Variants in BCOR observed in about 807,000 individuals in gnomAD.
The protein encoded by BCOR is BCL6 corepressor.
BCOR carries 10 observed loss-of-function variants against 86.7 expected under a neutral mutation model. The ratio of observed to expected loss-of-function variants is 0.12; its 90% CI spans 0.07 to 0.20. The LOEUF (loss-of-function observed/expected upper bound fraction) is 0.20, where lower values mean the gene tolerates loss of function less well. BCOR is among the 10% of genes least tolerant of loss of function. BCOR has a pLI of 1.00. For synonymous variants in BCOR, 611 were observed against 609.0 expected, an observed-to-expected ratio of 1.00 and a Z score of -0.05; for missense variants, 1,259 against 1,452.1, an observed-to-expected ratio of 0.87 and a Z score of 2.16.
At chrX:40,071,925 T>C (rs1935494851) in intron 4 of BCOR, 5 of 398,724 alleles carry the variant, frequency 1.3e-5, no homozygotes, top group Middle Eastern at 6.9e-4. Context: ...TCCTTTCTTT[T>C]TGGTGAAAAA....
chrX:40,119,771 C>A (rs1461753591), intron 1 of BCOR, among the ~76,000 whole-genome samples: 2 of 111,172 alleles, frequency 1.8e-5, no homozygotes, highest in Non-Finnish European at 3.8e-5. Flanking sequence ...ATTCATCAAG[C>A]TGTACTCTCA....
In BCOR at chrX:40,077,972, G is replaced by A. The variant is rs1052217947; in HGVS notation, c.-40-3C>T. 3 of 1,111,459 alleles carry A rather than the reference G, an allele frequency of 2.7e-6. No individual in the cohort carries two copies. The highest frequency in any genetic ancestry group is 4.4e-5 in the Admixed American group (2 of 45,844). The allele number at this position is 1,111,459 out of a possible 1,213,427, so 91.6% of individuals were successfully genotyped here. On this transcript the variant is annotated splice_polypyrimidine_tract_variant and splice_region_variant and intron_variant, in intron 1 of 14. Transcript: ENST00000378444. ...CAGCTTTGCTTCAAGCGTCTAGTCT[G>A]TTAAAAGGAAAGAAAAAAAATCCCA...
chrX:40,087,643 C>CA (rs1313492401), intron 1 of BCOR, among the ~76,000 whole-genome samples: 1 of 111,269 alleles, frequency 9.0e-6, no homozygotes, highest in East Asian at 2.8e-4. Flanking sequence ...TCCTTGTGGC[C>CA]AGTAGAAATA....
At chrX:40,065,121 A>G (rs1378543183) in intron 6 of BCOR, among the ~76,000 whole-genome samples, 1 of 111,777 alleles carries the variant, frequency 8.9e-6, no homozygotes, top group Non-Finnish European at 1.9e-5. Context: ...AATGGACTGG[A>G]GACAAGAGTG....
chrX:40,140,394 G>A (rs1937895962), intron 1 of BCOR, among the ~76,000 whole-genome samples: 1 of 110,862 alleles, frequency 9.0e-6, no homozygotes, highest in African/African-American at 3.3e-5. Flanking sequence ...AGCCTGGGAG[G>A]TCGAGGATGC....
intron 1 of BCOR, among the ~76,000 whole-genome samples, chrX:40,108,656 G>A (rs1340760731): frequency 8.8e-6 from 1 of 113,467 alleles, no homozygotes; most frequent in Admixed American, 9.2e-5. Flanking sequence ...CCCTGGGAGA[G>A]CTTGAACATT....
intron 1 of BCOR, among the ~76,000 whole-genome samples, chrX:40,162,492 T>C (rs1057374540): frequency 1.8e-5 from 2 of 110,866 alleles, no homozygotes; most frequent in South Asian, 3.8e-4. Flanking sequence ...TGGGAAGCCG[T>C]GGTGAGGTCA....
Position 40,074,518 on chromosome X carries a change from G to T in BCOR, c.828C>A (p.Ile276=). 8.3e-7 allele frequency: 1 copy of T among 1,206,844 alleles called. No individual in the cohort carries two copies. The highest frequency in any genetic ancestry group is 1.1e-6 in the Non-Finnish European group (1 of 892,712). ...RLSTPSASPA[I]PPLVHCADKS... ...TGTCTGCGCAATGGACGAGAGGCGG[G>T]ATGGCTGGGGAGGCCGAAGGTGTCG... Residue 276 remains isoleucine (I), a synonymous_variant, in exon 4 of 15, where the codon ATC becomes ATA. Coordinates refer to ENST00000378444, the MANE Select transcript of BCOR (RefSeq NM_001123385.2).
intron 1 of BCOR, among the ~76,000 whole-genome samples, chrX:40,081,377 C>T (rs1384065011): frequency 2.7e-5 from 3 of 112,184 alleles, no homozygotes; most frequent in African/African-American, 6.5e-5. Flanking sequence ...CAAAAAGAGA[C>T]TGGGAGGCAA....
chrX:40,068,385 C>G (rs888856685), intron 6 of BCOR, among the ~76,000 whole-genome samples: 1 of 112,288 alleles, frequency 8.9e-6, no homozygotes, highest in Non-Finnish European at 1.9e-5. Context: ...AGTCATCTGT[C>G]TGCCCAAACT....
At position 40,051,751 on chromosome X, in the gene BCOR, G is replaced by A. The variant is rs755471364; in HGVS notation, c.*358C>T. 1.2e-4 allele frequency: 25 copies of A among 202,336 alleles called. No individual in the cohort carries two copies. Among genetic ancestry groups the A allele is most frequent in the Non-Finnish European group, 2.0e-4 (22 of 110,210 alleles). 16.7% of individuals were successfully genotyped at this position (202,336 alleles called of 1,213,427 possible). A position where few individuals can be genotyped will look rare whatever the true frequency, so the allele number is the denominator to read the frequency against. ...ACAGTTCTGACCACTCTACAGTCAT[G>A]GCCTGTCATCAGAGCTTTGTATGAA... On this transcript the variant is annotated 3_prime_UTR_variant, in exon 15 of 15. Coordinates refer to ENST00000378444, the MANE Select transcript of BCOR (RefSeq NM_001123385.2).
At chrX:40,110,159 T>C (rs2147830313) in intron 1 of BCOR, among the ~76,000 whole-genome samples, 1 of 112,574 alleles carries the variant, frequency 8.9e-6, no homozygotes, top group Admixed American at 9.3e-5. Flanking sequence ...TCAGGTAAGG[T>C]CAAATTATTT....
chrX:40,165,025 G>C (rs974029292), intron 1 of BCOR, among the ~76,000 whole-genome samples: 4 of 112,030 alleles, frequency 3.6e-5, no homozygotes, highest in South Asian at 7.4e-4. Flanking sequence ...GAAGTGCCAA[G>C]CTCAGGGAGA....
chrX:40,166,958 A>G (rs1166163890), intron 1 of BCOR, among the ~76,000 whole-genome samples: 1 of 111,498 alleles, frequency 9.0e-6, no homozygotes, highest in African/African-American at 3.3e-5. Context: ...TACCAGAAAC[A>G]GCATCGGGGC....
chrX:40,060,224 G>A (rs1430642046), intron 10 of BCOR, among the ~76,000 whole-genome samples: 4 of 112,113 alleles, frequency 3.6e-5, no homozygotes, highest in Non-Finnish European at 7.5e-5. Flanking sequence ...CCAGAAAGTT[G>A]GATTCAAAGT....
At position 40,074,213 on chromosome X, in the gene BCOR, G is replaced by C. The variant is rs1935655295; in HGVS notation, c.1133C>G (p.Thr378Arg). 2.5e-6 allele frequency: 3 copies of C among 1,212,281 alleles called. No homozygotes were observed. The highest frequency in any genetic ancestry group is 3.3e-6 in the Non-Finnish European group (3 of 895,628). The change falls in exon 4 of 15, where the codon ACA becomes AGA. Residue 378 changes from threonine to arginine, a missense_variant. Thr to Arg is a moderately conservative substitution (Grantham distance 71). Coordinates refer to ENST00000378444, the MANE Select transcript of BCOR (RefSeq NM_001123385.2). ...PSVALSKPYM[T>R]VSSEFPAARL... is the part of the protein sequence containing the mutation. ...GGCCGCGGGGAACTCGCTGCTAACT[G>C]TCATGTATGGCTTTGACAGGGCAAC...
rs777466177 is a variant in BCOR, at chrX:40,072,925, G to T, written c.2421C>A (p.Asp807Glu). The T allele has an allele frequency of 2.5e-6, 3 of 1,211,548 alleles. No individual in the cohort carries two copies. The Admixed American group carries it at 6.5e-5, about 26-fold the overall frequency. The change falls in exon 4 of 15, where the codon GAC becomes GAA. Residue 807 changes from aspartate to glutamate, a missense_variant. This residue lies in a region of BCOR where 534 missense variants were observed against 594.8 expected (regional missense o/e 0.90). Transcript: ENST00000378444. ...TAGCATCTGGTTCTTCTCGGAGAAG[G>T]TCTACGTAGACAAGCTTGTCGCTTT... ...VVKSDKLVYVDLLREEPDAKT... is the reference protein window; with the variant it reads ...VVKSDKLVYVELLREEPDAKT...
chrX:40,128,619 G>A, intron 1 of BCOR, among the ~76,000 whole-genome samples: 1 of 112,270 alleles, frequency 8.9e-6, no homozygotes, highest in Non-Finnish European at 1.9e-5. Context: ...GCACAGCATA[G>A]ATGTAACTCA....
chrX:40,088,851 C>T (rs1936473023), intron 1 of BCOR, among the ~76,000 whole-genome samples: 1 of 112,003 alleles, frequency 8.9e-6, no homozygotes, highest in South Asian at 3.7e-4. Context: ...CACCGTGGTT[C>T]CCCCCTGAAA....
Sources: allele counts gnomAD v4.1 joint callset (sites outside exome capture counted in the v4.1 genomes callset), GRCh38; gene constraint gnomAD v4.1.1; regional missense constraint gnomAD v4.1.1; transcripts MANE v1.5; gene names NCBI Gene and HGNC (gene_info 2026-07-23, HGNC 2026-07-21).